VWC2L: variants seen among roughly 807,000 people sequenced by gnomAD.
The protein encoded by VWC2L is von Willebrand factor C domain-containing protein 2-like.
VWC2L carries 10 observed loss-of-function variants against 21.6 expected under a neutral mutation model. The ratio of observed to expected loss-of-function variants is 0.46; its 90% CI spans 0.29 to 0.78. VWC2L has a LOEUF of 0.78. Ranked by LOEUF, VWC2L falls within the 30% of genes least tolerant of loss-of-function variation. The pLI, the probability that VWC2L is intolerant of heterozygous loss-of-function variation, is 0.10. For missense variants in VWC2L, 209 were observed against 277.1 expected (o/e 0.75, Z 1.74); for synonymous variants, 96 against 94.3 (o/e 1.02, Z -0.10).
At chr2:214,439,143 G>A (rs1031324104) in intron 3 of VWC2L, among the ~76,000 whole-genome samples, 11 of 152,092 alleles carry the variant, frequency 7.2e-5, no homozygotes, top group African/African-American at 1.2e-4. Flanking sequence ...ATGAAGACAC[G>A]TATGACCACC....
chr2:214,423,664 G>A (rs1702476030), intron 2 of VWC2L, among the ~76,000 whole-genome samples: 1 of 152,096 alleles, frequency 6.6e-6, no homozygotes, highest in African/African-American at 2.4e-5. Flanking sequence ...GATACAGATT[G>A]AGTACAATTT....
At chr2:214,533,099 A>G (rs953582177) in intron 3 of VWC2L, among the ~76,000 whole-genome samples, 16 of 151,918 alleles carry the variant, frequency 1.1e-4, no homozygotes, top group African/African-American at 3.6e-4. Flanking sequence ...TGCCTACATC[A>G]CCATATCTGA....
chr2:214,432,628 GAA>G (rs34098669), intron 2 of VWC2L, among the ~76,000 whole-genome samples: 6,037 of 152,244 alleles, frequency 0.04, 151 homozygotes, highest in Non-Finnish European at 0.053. Context: ...CAATATTTAT[GAA>G]AGAGTCTCAT....
intron 2 of VWC2L, among the ~76,000 whole-genome samples, chr2:214,427,696 G>C (rs1702545412): frequency 6.6e-6 from 1 of 152,084 alleles, no homozygotes; most frequent in African/African-American, 2.4e-5. Flanking sequence ...CAAATACTCT[G>C]TAAAACTGTA....
chr2:214,422,505 G>A (rs1702457517), intron 2 of VWC2L, among the ~76,000 whole-genome samples: 1 of 152,152 alleles, frequency 6.6e-6, no homozygotes, highest in South Asian at 2.1e-4. Context: ...ACCTATCGGT[G>A]TATTTTTTAG....
intron 2 of VWC2L, 23 bp from the exon 3 acceptor site, chr2:214,436,606 G>A (rs890963073): frequency 6.2e-7 from 1 of 1,611,514 alleles, no homozygotes; most frequent in Non-Finnish European, 8.5e-7. Flanking sequence ...GAGAAAAGGG[G>A]CTAATTTTAG....
At chr2:214,563,563 A>AAAAAAAAAAAAAAAAAAG in intron 3 of VWC2L, among the ~76,000 whole-genome samples, 1 of 136,758 alleles carries the variant, frequency 7.3e-6, no homozygotes, top group Non-Finnish European at 1.5e-5. Context: ...AAAAAAAAAA[A>AAAAAAAAAAAAAAAAAAG]AAAAAAAAAA....
At chr2:214,471,094 A>G (rs1273416214) in intron 3 of VWC2L, among the ~76,000 whole-genome samples, 1 of 152,112 alleles carries the variant, frequency 6.6e-6, no homozygotes, top group Admixed American at 6.5e-5. Context: ...ATTTCTCAGT[A>G]ATTTTTATTG....
intron 3 of VWC2L, among the ~76,000 whole-genome samples, chr2:214,530,628 C>A (rs1387281835): frequency 1.3e-5 from 2 of 151,934 alleles, no homozygotes; most frequent in Admixed American, 6.6e-5. Context: ...ATCTTTCAAG[C>A]AGTGAGAGGA....
At position 214,414,106 on chromosome 2, in the gene VWC2L, A is replaced by G; in HGVS notation, c.-80-8A>G. The G allele has an allele frequency of 1.4e-6, 2 of 1,383,832 alleles. No homozygotes were observed. The highest frequency in any genetic ancestry group is 2.0e-6 in the Non-Finnish European group (2 of 1,021,900). The allele number at this position is 1,383,832 out of a possible 1,614,324, so 85.7% of individuals were successfully genotyped here. ...GTCAAATTATTCTTTTTAAATATTT[A>G]TTTTCAGCCTACCCCTCTTGTATTC... On this transcript the variant is annotated splice_region_variant and splice_polypyrimidine_tract_variant and intron_variant, in intron 1 of 3. Transcript: ENST00000312504.
intron 1 of VWC2L, among the ~76,000 whole-genome samples, chr2:214,412,043 AT>A (rs1330982286): frequency 6.6e-6 from 1 of 152,126 alleles, no homozygotes; most frequent in Non-Finnish European, 1.5e-5. Context: ...TAAAAAAAAA[AT>A]AGCCTAAGAA....
At chr2:214,463,339 A>G (rs1703168815) in intron 3 of VWC2L, among the ~76,000 whole-genome samples, 3 of 152,178 alleles carry the variant, frequency 2.0e-5, no homozygotes, top group African/African-American at 7.2e-5. Context: ...ACCATTTATA[A>G]TCAGGAAATG....
intron 3 of VWC2L, among the ~76,000 whole-genome samples, chr2:214,471,212 C>T (rs764216428): frequency 2.6e-5 from 4 of 152,118 alleles, no homozygotes; most frequent in Admixed American, 1.3e-4. Flanking sequence ...AAGAAAACTT[C>T]GAAGCCCAAC....
chr2:214,412,025 C>CT (rs200948692), intron 1 of VWC2L, among the ~76,000 whole-genome samples: 5,634 of 150,180 alleles, frequency 0.038, 323 homozygotes, highest in African/African-American at 0.13. Context: ...ATTATGAAGG[C>CT]TTTTTTTTAA....
At chr2:214,414,683 A>C in intron 2 of VWC2L, 100 bp downstream of exon 2, 1 of 1,314,738 alleles carries the variant, frequency 7.6e-7, no homozygotes, top group Non-Finnish European at 1.0e-6. Context: ...TGTACTTTAA[A>C]ATTTCCCTTT....
At chr2:214,491,065 T>C (rs1688739119) in intron 3 of VWC2L, among the ~76,000 whole-genome samples, 1 of 152,152 alleles carries the variant, frequency 6.6e-6, no homozygotes, top group East Asian at 1.9e-4. Flanking sequence ...TAGATTTCTT[T>C]AGGGAGTGAT....
At chr2:214,560,574 C>A (rs913121169) in intron 3 of VWC2L, among the ~76,000 whole-genome samples, 1 of 152,124 alleles carries the variant, frequency 6.6e-6, no homozygotes, top group Non-Finnish European at 1.5e-5. Context: ...CTAAATTAAT[C>A]GTCAGAAGTA....
chr2:214,454,667 A>C (rs1185076922), intron 3 of VWC2L, among the ~76,000 whole-genome samples: 2 of 128,310 alleles, frequency 1.6e-5, no homozygotes, highest in East Asian at 5.0e-4. Context: ...GCAGTAGTGC[A>C]ATCTTGGCTT....
At chr2:214,448,207 T>C (rs1271220864) in intron 3 of VWC2L, among the ~76,000 whole-genome samples, 4 of 152,244 alleles carry the variant, frequency 2.6e-5, no homozygotes, top group Non-Finnish European at 5.9e-5. Flanking sequence ...CTATCTATTT[T>C]GTTCACAGTT....
Sources: gnomAD v4.1 joint callset for allele counts (sites outside exome capture counted in the v4.1 genomes callset) on GRCh38, gnomAD v4.1.1 for gene constraint, MANE v1.5 for transcripts, NCBI Gene and HGNC (gene_info 2026-07-23, HGNC 2026-07-21) for gene names.